Variants in NCAM2 observed in about 807,000 individuals in gnomAD.
The protein encoded by NCAM2 is neural cell adhesion molecule 2, also known as N-CAM-2.
A neutral mutation model predicts 98.1 loss-of-function variants in NCAM2; 30 were observed. The observed-to-expected ratio is 0.31, with a 90% CI of 0.23 to 0.41. The LOEUF (loss-of-function observed/expected upper bound fraction) is 0.41. NCAM2 is among the 10% of genes least tolerant of loss of function. The probability of loss-of-function intolerance (pLI) is 1.00; values close to 1 mark genes in which losing one functional copy is unlikely to be tolerated. For synonymous variants in NCAM2, 368 were observed against 342.4 expected, an observed-to-expected ratio of 1.07 and a Z score of -0.83; for missense variants, 867 against 1,005.8, an observed-to-expected ratio of 0.86 and a Z score of 1.87.
intron 5 of NCAM2, among the ~76,000 whole-genome samples, chr21:21,293,998 T>C (rs1433169159): frequency 2.0e-5 from 3 of 151,690 alleles, no homozygotes; most frequent in Non-Finnish European, 4.4e-5. Flanking sequence ...TCAAGTTTGA[T>C]ATTAAAATGA....
At chr21:21,077,807 T>C (rs2146390631) in intron 1 of NCAM2, among the ~76,000 whole-genome samples, 1 of 152,256 alleles carries the variant, frequency 6.6e-6, no homozygotes, top group African/African-American at 2.4e-5. Flanking sequence ...ATCACATAAG[T>C]ATATTCATTT....
At chr21:21,147,096 G>C (rs2067301256) in intron 1 of NCAM2, 1 of 960,502 alleles carries the variant, frequency 1.0e-6, no homozygotes, top group African/African-American at 1.9e-5. Flanking sequence ...CTTCTACTCC[G>C]GAACTCATAC....
chr21:21,313,194 A>G (rs1250437941), intron 5 of NCAM2, among the ~76,000 whole-genome samples: 1 of 151,190 alleles, frequency 6.6e-6, no homozygotes, highest in Non-Finnish European at 1.5e-5. Context: ...AATTTTCTCT[A>G]TTTTGTTCTG....
Position 21,474,339 on chromosome 21 carries a change from T to C in NCAM2, c.1897-2952T>C, listed in dbSNP as rs563737330. The stretch of plus-strand genomic sequence containing the variant: ...AAATGATGGAGGGCCCTTTAATTTA[T>C]CATATTAAGGGCTTCAACAAATAAG... On this transcript the variant is annotated intron_variant, in intron 14 of 17. Coordinates refer to ENST00000400546, the MANE Select transcript of NCAM2 (RefSeq NM_004540.5). Among the ~76,000 whole-genome samples the C allele has an allele frequency of 8.4e-4, 128 of 152,186 alleles. 1 individual carries two copies. Among genetic ancestry groups the C allele is most frequent in the Non-Finnish European group, 1.4e-3 (95 of 67,982 alleles).
intron 4 of NCAM2, among the ~76,000 whole-genome samples, chr21:21,287,824 T>C (rs1484731367): frequency 6.6e-6 from 1 of 151,870 alleles, no homozygotes; most frequent in African/African-American, 2.4e-5. Flanking sequence ...TTGGCTTTCC[T>C]CCTTTCCTTG....
At position 21,302,504 on chromosome 21, in the gene NCAM2, G is replaced by T. The variant is rs146343072; in HGVS notation, c.619+10263G>T. Among the ~76,000 whole-genome samples the T allele has an allele frequency of 8.2e-3, 1,253 of 152,036 alleles. 6 individuals carry two copies. The highest frequency in any genetic ancestry group is 0.012 in the Non-Finnish European group (831 of 67,968). On this transcript the variant is annotated intron_variant, in intron 5 of 17. Coordinates refer to ENST00000400546, the MANE Select transcript of NCAM2 (RefSeq NM_004540.5). ...ACCAGTACCACATTGTTTTGGTTAT[G>T]CTTATCATCACTAATCATCAGATAG...
chr21:21,415,886 C>T (rs1432392860), intron 10 of NCAM2, among the ~76,000 whole-genome samples: 4 of 152,144 alleles, frequency 2.6e-5, no homozygotes, highest in African/African-American at 7.2e-5. Flanking sequence ...TCTATCCAGG[C>T]CAACAAAATA....
intron 1 of NCAM2, among the ~76,000 whole-genome samples, chr21:21,146,093 A>G (rs1217606615): frequency 6.6e-6 from 1 of 152,176 alleles, no homozygotes. Flanking sequence ...ATATGAATTT[A>G]ATAATTTCTA....
chr21:21,103,946 A>G (rs1284613473), intron 1 of NCAM2, among the ~76,000 whole-genome samples: 2 of 152,126 alleles, frequency 1.3e-5, no homozygotes, highest in Non-Finnish European at 2.9e-5. Context: ...AAATGAGAAA[A>G]TAATCGTGGT....
chr21:21,214,221 T>C (rs2069771988), intron 1 of NCAM2, among the ~76,000 whole-genome samples: 1 of 152,160 alleles, frequency 6.6e-6, no homozygotes, highest in South Asian at 2.1e-4. Flanking sequence ...TTACAGTCTT[T>C]CCAAGTAAAG....
intron 1 of NCAM2, among the ~76,000 whole-genome samples, chr21:21,075,651 A>G (rs1268424218): frequency 6.6e-6 from 1 of 152,132 alleles, no homozygotes; most frequent in Non-Finnish European, 1.5e-5. Flanking sequence ...CTGGTTTGCA[A>G]AGAATTTGTG....
At chr21:21,345,769 G>C (rs74458090) in intron 8 of NCAM2, among the ~76,000 whole-genome samples, 2,178 of 152,128 alleles carry the variant, frequency 0.014, 43 homozygotes, top group Admixed American at 0.037. Flanking sequence ...GAAAGTTATA[G>C]AACACAAAAG....
chr21:21,532,544 T>C (rs1476604974), intron 16 of NCAM2, among the ~76,000 whole-genome samples: 1 of 152,168 alleles, frequency 6.6e-6, no homozygotes, highest in East Asian at 1.9e-4. Flanking sequence ...ATATTAATTC[T>C]TAGTAAGAAA....
intron 8 of NCAM2, among the ~76,000 whole-genome samples, chr21:21,363,546 T>C (rs1387541333): frequency 1.3e-5 from 2 of 152,122 alleles, no homozygotes. Context: ...CATTTCTGCT[T>C]CGTGGGTCTT....
chr21:21,448,192 C>T lies in NCAM2; in HGVS notation c.1654+15911C>T, dbSNP rs776702940. Among the ~76,000 whole-genome samples, 6 of 152,066 alleles carry T rather than the reference C, an allele frequency of 3.9e-5. 1 individual carries two copies. The highest frequency in any genetic ancestry group is 5.9e-5 in the Non-Finnish European group (4 of 68,014). On this transcript the variant is annotated intron_variant, in intron 12 of 17. Transcript: ENST00000400546. Reference sequence around the variant, plus strand: ...GGATAAAGAAATTGTGGTACATAAACACCATGGAATACTATGCAGCCATAG... The same window carrying T: ...GGATAAAGAAATTGTGGTACATAAATACCATGGAATACTATGCAGCCATAG...
chr21:21,338,351 C>G (rs754923018), intron 7 of NCAM2, 38 bp from the exon 8 acceptor site: 37 of 1,578,458 alleles, frequency 2.3e-5, no homozygotes, highest in Non-Finnish European at 3.1e-5. Flanking sequence ...TAATATTTTC[C>G]TCCAATACCG....
Position 21,508,828 on chromosome 21 carries a change from TTTTTTTTTTTTTA to T in NCAM2, c.2078-22_2078-10del. ...TTTTCCTTTTTTTTTTTTTTTTTTT[TTTTTTTTTTTTTA>T]CTTTTTAAGACACGCTGTTTAATGG... On this transcript the variant is annotated splice_polypyrimidine_tract_variant and intron_variant, in intron 15 of 17. Transcript: ENST00000400546. The T allele has an allele frequency of 1.9e-6, 2 of 1,060,038 alleles. No individual in the cohort carries two copies. The highest frequency in any genetic ancestry group is 1.7e-5 in the African/African-American group (1 of 57,402). The allele number at this position is 1,060,038 out of a possible 1,614,324, so 65.7% of individuals were successfully genotyped here. A position where few individuals can be genotyped will look rare whatever the true frequency, so the allele number is the denominator to read the frequency against.
intron 1 of NCAM2, among the ~76,000 whole-genome samples, chr21:21,096,651 A>T (rs949547118): frequency 6.6e-6 from 1 of 151,572 alleles, no homozygotes; most frequent in Non-Finnish European, 1.5e-5. Flanking sequence ...GCCTTGTTCG[A>T]TGGTTATGTA....
chr21:21,139,230 A>C (rs2067119732), intron 1 of NCAM2, among the ~76,000 whole-genome samples: 2 of 152,252 alleles, frequency 1.3e-5, no homozygotes, highest in Admixed American at 6.5e-5. Flanking sequence ...CCACAAATCA[A>C]GGCTTGGCGA....
Sources: gnomAD v4.1 joint callset for allele counts (sites outside exome capture counted in the v4.1 genomes callset) on GRCh38, gnomAD v4.1.1 for gene constraint, MANE v1.5 for transcripts, NCBI Gene and HGNC (gene_info 2026-07-23, HGNC 2026-07-21) for gene names.